CDK10: variants seen among roughly 807,000 people sequenced by gnomAD.
The protein encoded by CDK10 is cyclin dependent kinase 10, also known as cyclin-dependent kinase 10.
In CDK10, 55 loss-of-function variants were observed where a neutral mutation model predicts 51.0. The observed-to-expected ratio is 1.08, with a 90% CI of 0.87 to 1.35. The LOEUF (loss-of-function observed/expected upper bound fraction) is 1.35, where lower values mean the gene tolerates loss of function less well. Among genes scored for constraint, CDK10 ranks in the 40% most tolerant of loss-of-function variants. CDK10 has a pLI of 0.00. For synonymous variants in CDK10, 255 were observed against 199.1 expected (o/e 1.28, Z -2.36); for missense variants, 589 against 485.1 (o/e 1.21, Z -2.01).
At chr16:89,689,715 G>T (rs2060356619) in intron 2 of CDK10, 2 of 202,648 alleles carry the variant, frequency 9.9e-6, no homozygotes, top group South Asian at 1.4e-4. Context: ...GATGGGTCTT[G>T]CTCTATTGCC....
At chr16:89,687,414 G>A in intron 1 of CDK10, 1 of 445,768 alleles carries the variant, frequency 2.2e-6, no homozygotes, top group Non-Finnish European at 4.6e-6. Flanking sequence ...TGCTCTGAGA[G>A]GCCAAGCCAC....
intron 1 of CDK10, chr16:89,687,485 C>T (rs1022775407): frequency 4.4e-6 from 2 of 456,240 alleles, no homozygotes; most frequent in South Asian, 3.1e-5. Flanking sequence ...ACACTTTACT[C>T]ATCCAGACGT....
intron 1 of CDK10, chr16:89,687,670 C>G (rs756214200): frequency 2.3e-6 from 1 of 440,102 alleles, no homozygotes; most frequent in Non-Finnish European, 4.7e-6. Context: ...CTCAAGTGAT[C>G]TTCCTGCCTC....
chr16:89,688,749 G>A (rs905329629), intron 1 of CDK10, among the ~76,000 whole-genome samples: 2 of 152,150 alleles, frequency 1.3e-5, no homozygotes, highest in Non-Finnish European at 2.9e-5. Context: ...CTGAGTGGCC[G>A]CCTCTGATAT....
intron 3 of CDK10, among the ~76,000 whole-genome samples, chr16:89,691,051 C>T (rs911513632): frequency 5.9e-5 from 9 of 152,172 alleles, no homozygotes; most frequent in Non-Finnish European, 8.8e-5. Flanking sequence ...TTTGGGAGGC[C>T]GAGGCAGGCG....
chr16:89,691,612 C>A, intron 4 of CDK10, 67 bp downstream of exon 4: 4 of 1,397,524 alleles, frequency 2.9e-6, no homozygotes, highest in South Asian at 1.2e-5. Context: ...AGGTGTTGCA[C>A]AGAGCGAGGA....
intron 1 of CDK10, chr16:89,687,961 C>T (rs1157909163): frequency 4.6e-6 from 1 of 216,400 alleles, no homozygotes; most frequent in Non-Finnish European, 9.6e-6. Flanking sequence ...CCTGTAATCT[C>T]AGCAATCTGG....
At chr16:89,692,719 TC>T in intron 6 of CDK10, 1 of 419,566 alleles carries the variant, frequency 2.4e-6, no homozygotes, top group Non-Finnish European at 4.2e-6. Flanking sequence ...GCTCAAGTGA[TC>T]CACCCACCTT....
At chr16:89,693,159 TA>T in intron 6 of CDK10, 114 bp from the exon 7 acceptor site, 1 of 792,410 alleles carries the variant, frequency 1.3e-6, no homozygotes, top group Non-Finnish European at 2.0e-6. Context: ...AAAAAGATAC[TA>T]AAAAGCCCAA....
chr16:89,694,085 C>T (rs2060580852), intron 8 of CDK10, 88 bp from the exon 9 acceptor site: 1 of 1,378,094 alleles, frequency 7.3e-7, no homozygotes, highest in Non-Finnish European at 1.0e-6. Context: ...TCCAGGCCAC[C>T]ACAGGCTCTC....
rs1021924129 is a variant in CDK10, at chr16:89,694,166, T to G, written c.609-7T>G. The stretch of plus-strand genomic sequence containing the variant: ...GGCTGTATTGAGGTGGGTGCTTCTG[T>G]GTGTAGGTACCGAGCCCCTGAACTG... On this transcript the variant is annotated splice_polypyrimidine_tract_variant and splice_region_variant and intron_variant, in intron 8 of 12. Transcript: ENST00000353379. 3.1e-6 allele frequency: 5 copies of G among 1,613,722 alleles called. No homozygotes were observed. In the Middle Eastern group the frequency reaches 8.3e-4, roughly 267 times the overall value.
chr16:89,690,776 G>A, intron 3 of CDK10, 152 bp downstream of exon 3: 1 of 703,130 alleles, frequency 1.4e-6, no homozygotes, highest in Middle Eastern at 3.6e-4. Flanking sequence ...TCACCCCCAG[G>A]TCCACACGCA....
intron 1 of CDK10, chr16:89,687,169 C>G (rs1157980106): frequency 5.1e-5 from 11 of 217,550 alleles, no homozygotes; most frequent in Admixed American, 4.6e-4. Context: ...ACACCCGCGA[C>G]GAGTTCGAGC....
At chr16:89,690,236 A>G (rs2060381198) in intron 2 of CDK10, 6 of 397,274 alleles carry the variant, frequency 1.5e-5, no homozygotes, top group African/African-American at 4.0e-5. Flanking sequence ...GGACATTACA[A>G]GAGAGCACAA....
intron 5 of CDK10, 63 bp downstream of exon 5, chr16:89,691,950 A>G (rs2060470129): frequency 7.2e-7 from 1 of 1,394,890 alleles, no homozygotes; most frequent in African/African-American, 1.4e-5. Context: ...GTGCACATTT[A>G]TAACGAAACA....
intron 2 of CDK10, 120 bp from the exon 3 acceptor site, chr16:89,690,433 A>T (rs577085699): frequency 2.5e-6 from 2 of 788,538 alleles, no homozygotes; most frequent in East Asian, 5.0e-5. Context: ...GTCACTGGGC[A>T]TGAGGTTGTC....
At chr16:89,692,201 A>AG (rs893689240) in intron 5 of CDK10, 1 of 553,478 alleles carries the variant, frequency 1.8e-6, no homozygotes, top group Admixed American at 3.6e-5. Context: ...CCCTGGGCGG[A>AG]GAGCCTTCTG....
At chr16:89,690,892 C>G (rs1014355222) in intron 3 of CDK10, among the ~76,000 whole-genome samples, 2 of 152,160 alleles carry the variant, frequency 1.3e-5, no homozygotes, top group Non-Finnish European at 2.9e-5. Flanking sequence ...CCCCTCCACC[C>G]CCAGCACCTG....
At position 89,691,541 on chromosome 16, in the gene CDK10, G is replaced by A. The variant is rs2060449544; in HGVS notation, c.331G>A (p.Glu111Lys). Residue 111 changes from glutamate to lysine, a missense_variant, in exon 4 of 13, where the codon GAG becomes AAG. Transcript: ENST00000353379. ...LKEVVVGNHL[E>K]SIFLVMGYCE... is the part of the protein sequence containing the mutation. ...GGAGGTGGTTGTGGGGAACCACCTG[G>A]AGAGGTACGTGGTCTCCTGGTCTGC... 6.2e-7 allele frequency: 1 copy of A among 1,612,950 alleles called. No individual in the cohort carries two copies. The highest frequency in any genetic ancestry group is 8.5e-7 in the Non-Finnish European group (1 of 1,179,096).
Sources: gnomAD v4.1 joint callset for allele counts (sites outside exome capture counted in the v4.1 genomes callset) on GRCh38, gnomAD v4.1.1 for gene constraint, MANE v1.5 for transcripts, NCBI Gene and HGNC (gene_info 2026-07-23, HGNC 2026-07-21) for gene names.